Variants in GDA observed in about 807,000 individuals in gnomAD.
GDA encodes guanine deaminase.
A neutral mutation model predicts 59.6 loss-of-function variants in GDA; 18 were observed. That is an observed-to-expected ratio of 0.30 (90% CI 0.21 to 0.45). The LOEUF (loss-of-function observed/expected upper bound fraction) is 0.45, where lower values mean the gene tolerates loss of function less well. GDA is among the 20% of genes least tolerant of loss of function. GDA has a pLI of 1.00. For synonymous variants in GDA, 201 were observed against 201.1 expected (o/e 1.00, Z 0.00); for missense variants, 427 against 552.3 (o/e 0.77, Z 2.27).
At chr9:72,213,392 A>G (rs1035423719) in intron 4 of GDA, among the ~76,000 whole-genome samples, 2 of 152,202 alleles carry the variant, frequency 1.3e-5, no homozygotes, top group African/African-American at 4.8e-5. Flanking sequence ...TGAATATAGT[A>G]GGGAATTTGT....
chr9:72,189,286 T>G (rs546231713), intron 1 of GDA, among the ~76,000 whole-genome samples: 1 of 148,452 alleles, frequency 6.7e-6, no homozygotes, highest in Non-Finnish European at 1.5e-5. Context: ...GCTTAAGTGA[T>G]CCTCCCACCT....
chr9:72,165,628 T>C (rs1486820198), intron 1 of GDA, among the ~76,000 whole-genome samples: 1 of 152,118 alleles, frequency 6.6e-6, no homozygotes, highest in Non-Finnish European at 1.5e-5. Flanking sequence ...TTGGGCATGG[T>C]GTCTGATGCC....
At chr9:72,218,969 C>G (rs1335128166) in intron 5 of GDA, among the ~76,000 whole-genome samples, 3 of 152,196 alleles carry the variant, frequency 2.0e-5, no homozygotes. Flanking sequence ...TGCACTCCAT[C>G]TCTGGCTGCA....
intron 1 of GDA, among the ~76,000 whole-genome samples, chr9:72,118,273 C>CA (rs373179585): frequency 0.43 from 28,406 of 66,194 alleles, 7,304 homozygotes; most frequent in Non-Finnish European, 0.54. Context: ...GACTCCACCT[C>CA]AAAAAAAAAA....
intron 13 of GDA, 67 bp downstream of exon 13, chr9:72,247,500 G>A: frequency 4.8e-6 from 4 of 835,004 alleles, no homozygotes; most frequent in Non-Finnish European, 8.1e-6. Context: ...TCTTGGGTAT[G>A]GCTCTATGTA....
At chr9:72,208,034 C>T (rs1484810605) in intron 3 of GDA, among the ~76,000 whole-genome samples, 1 of 152,224 alleles carries the variant, frequency 6.6e-6, no homozygotes, top group Non-Finnish European at 1.5e-5. Context: ...CCCTAGAATT[C>T]AAGGTTACAG....
At chr9:72,122,375 A>G (rs1384910736) in intron 1 of GDA, among the ~76,000 whole-genome samples, 3 of 152,168 alleles carry the variant, frequency 2.0e-5, no homozygotes. Context: ...TAAGATGGGG[A>G]AAATAATCAT....
chr9:72,152,649 C>G (rs1827353593), intron 1 of GDA, among the ~76,000 whole-genome samples: 1 of 151,978 alleles, frequency 6.6e-6, no homozygotes, highest in Non-Finnish European at 1.5e-5. Context: ...TTGTTTTTTT[C>G]TTGTAAATTT....
chr9:72,184,288 A>G (rs1831607031), intron 1 of GDA, among the ~76,000 whole-genome samples: 1 of 152,254 alleles, frequency 6.6e-6, no homozygotes, highest in Admixed American at 6.5e-5. Context: ...GGACACTTGT[A>G]TAATGATGTA....
chr9:72,147,829 A>G (rs1447243301), upstream of GDA, among the ~76,000 whole-genome samples: 2 of 152,162 alleles, frequency 1.3e-5, no homozygotes. Context: ...GAGGGAGTGC[A>G]GTTGGCAGAA....
intron 1 of GDA, among the ~76,000 whole-genome samples, chr9:72,159,270 T>A (rs2130820208): frequency 6.6e-6 from 1 of 152,274 alleles, no homozygotes; most frequent in East Asian, 1.9e-4. Context: ...GGCAGGTGCC[T>A]GTAATCCCAG....
chr9:72,162,023 T>G (rs1198272210), intron 1 of GDA, among the ~76,000 whole-genome samples: 3 of 152,226 alleles, frequency 2.0e-5, no homozygotes, highest in Non-Finnish European at 2.9e-5. Context: ...AACCTATAAA[T>G]TGTTTCCTTT....
At chr9:72,116,739 A>G (rs558216368) in intron 1 of GDA, among the ~76,000 whole-genome samples, 1 of 152,176 alleles carries the variant, frequency 6.6e-6, no homozygotes, top group African/African-American at 2.4e-5. Flanking sequence ...CTTATCTTAT[A>G]TAGAACTAAA....
At chr9:72,184,522 G>A (rs546343794) in intron 1 of GDA, among the ~76,000 whole-genome samples, 16 of 152,036 alleles carry the variant, frequency 1.1e-4, no homozygotes, top group Admixed American at 2.0e-4. Flanking sequence ...ATGTATTTTC[G>A]TGGCTTAATA....
upstream of GDA, among the ~76,000 whole-genome samples, chr9:72,146,045 A>C (rs1826617654): frequency 6.6e-6 from 1 of 151,096 alleles, no homozygotes; most frequent in African/African-American, 2.4e-5. Context: ...TAGATGAGTA[A>C]TGGAACAATT....
intron 1 of GDA, among the ~76,000 whole-genome samples, chr9:72,118,250 C>A (rs923639533): frequency 2.8e-5 from 3 of 107,124 alleles, no homozygotes; most frequent in Non-Finnish European, 5.1e-5. Context: ...CCAGCCTGGG[C>A]GACAGAGCAA....
At chr9:72,242,512 G>A (rs1839728856) in intron 11 of GDA, among the ~76,000 whole-genome samples, 1 of 152,156 alleles carries the variant, frequency 6.6e-6, no homozygotes, top group African/African-American at 2.4e-5. Flanking sequence ...GAAACATATT[G>A]GGTGTAGATT....
intron 1 of GDA, among the ~76,000 whole-genome samples, chr9:72,176,221 T>A (rs1830524974): frequency 6.6e-6 from 1 of 152,210 alleles, no homozygotes; most frequent in East Asian, 1.9e-4. Context: ...CTTGGTTTCT[T>A]GCCACAAGAG....
chr9:72,214,230 T>G (rs375752284), intron 5 of GDA, among the ~76,000 whole-genome samples: 2 of 152,366 alleles, frequency 1.3e-5, no homozygotes, highest in East Asian at 3.9e-4. Flanking sequence ...CACTTGATCC[T>G]CATAGAAATC....
Sources: allele counts gnomAD v4.1 joint callset (sites outside exome capture counted in the v4.1 genomes callset), GRCh38; gene constraint gnomAD v4.1.1; transcripts MANE v1.5; gene names NCBI Gene and HGNC (gene_info 2026-07-23, HGNC 2026-07-21).